RYR3: variants seen among roughly 807,000 people sequenced by gnomAD.
RYR3 encodes the protein brain ryanodine receptor-calcium release channel.
A neutral mutation model predicts 584.3 loss-of-function variants in RYR3; 207 were observed. The ratio of observed to expected loss-of-function variants is 0.35; its 90% CI spans 0.32 to 0.40. The LOEUF is 0.40. RYR3 is among the 10% of genes least tolerant of loss of function. RYR3 has a pLI of 1.00. For missense variants in RYR3, 5,616 were observed against 6,089.2 expected (o/e 0.92, Z 2.59); for synonymous variants, 2,416 against 2,248.5 (o/e 1.07, Z -2.11).
At chr15:33,361,744 A>T (rs1974793859) in intron 1 of RYR3, among the ~76,000 whole-genome samples, 1 of 152,208 alleles carries the variant, frequency 6.6e-6, no homozygotes, top group African/African-American at 2.4e-5. Context: ...TGAGCCAGTG[A>T]TACCCAAAAC....
intron 12 of RYR3, among the ~76,000 whole-genome samples, chr15:33,571,920 G>A (rs1351495754): frequency 1.2e-4 from 18 of 151,928 alleles, no homozygotes; most frequent in Non-Finnish European, 2.2e-4. Flanking sequence ...ATATTCTCTA[G>A]TGTAACATTT....
rs199500216 is a variant in RYR3 at position 33,623,935 on chromosome 15, G to A, written c.2486G>A (p.Arg829His). Residue 829 changes from arginine (R) to histidine (H), a missense_variant, in exon 20 of 104, where the codon CGT becomes CAT. Arg to His is a conservative substitution (Grantham distance 29). Coordinates refer to ENST00000634891, the MANE Select transcript of RYR3 (RefSeq NM_001036.6). The part of the protein sequence containing the change: ...MRLEPVKEYK[R>H]DADGIRDLLG... Reference sequence around the variant, plus strand: ...TTGGAGCCTGTCAAAGAATATAAACGTGATGCTGATGGCATTAGAGATCTC... The same window carrying A: ...TTGGAGCCTGTCAAAGAATATAAACATGATGCTGATGGCATTAGAGATCTC... 1.3e-3 allele frequency: 2,133 copies of A among 1,613,902 alleles called. 2 individuals carry two copies. Among genetic ancestry groups the A allele is most frequent in the Admixed American group, 2.8e-3 (167 of 60,024 alleles).
intron 38 of RYR3, among the ~76,000 whole-genome samples, chr15:33,679,383 T>C (rs888365368): frequency 1.3e-5 from 2 of 152,180 alleles, no homozygotes; most frequent in African/African-American, 4.8e-5. Flanking sequence ...AATTTTGAGA[T>C]TTTATTTCTT....
At chr15:33,514,235 C>A (rs1261142115) in intron 3 of RYR3, among the ~76,000 whole-genome samples, 1 of 152,182 alleles carries the variant, frequency 6.6e-6, no homozygotes, top group Non-Finnish European at 1.5e-5. Flanking sequence ...GAGAAACATG[C>A]ATTGGCACCG....
intron 32 of RYR3, among the ~76,000 whole-genome samples, chr15:33,655,879 C>A (rs1042004468): frequency 2.0e-5 from 3 of 152,118 alleles, no homozygotes; most frequent in Non-Finnish European, 4.4e-5. Flanking sequence ...AACAGTCCAG[C>A]AATATTTATA....
rs764854998 is a variant in RYR3, at chr15:33,739,949, G to A, written c.7774G>A (p.Val2592Met). Residue 2592 changes from valine to methionine, a missense_variant, in exon 51 of 104, where the codon GTG becomes ATG. By Grantham distance (21) the Val-to-Met change is conservative. Around this residue, in one of 9 missense-constraint regions of RYR3, gnomAD observed 1,280 missense variants for 1,426.2 expected, o/e 0.90. Coordinates refer to ENST00000634891, the MANE Select transcript of RYR3 (RefSeq NM_001036.6). ...AGCCACGTTGGAGAAACAGATCTCAGTGGATGCGGATGGCAACTTTGACCC... is the reference window on the plus strand; with the variant it reads ...AGCCACGTTGGAGAAACAGATCTCAATGGATGCGGATGGCAACTTTGACCC... Reference protein sequence around the residue: ...ITATLEKQISVDADGNFDPKP... With the variant: ...ITATLEKQISMDADGNFDPKP... The A allele has an allele frequency of 1.1e-5, 18 of 1,613,820 alleles. No individual in the cohort carries two copies. The Admixed American group carries it at 2.5e-4, about 22-fold the overall frequency.
intron 1 of RYR3, among the ~76,000 whole-genome samples, chr15:33,314,984 A>T (rs1177473469): frequency 2.0e-5 from 3 of 152,182 alleles, no homozygotes; most frequent in African/African-American, 4.8e-5. Flanking sequence ...TCAGAGTGAG[A>T]TAGACATTTG....
intron 19 of RYR3, among the ~76,000 whole-genome samples, chr15:33,619,801 A>G (rs1290046161): frequency 2.0e-5 from 3 of 152,140 alleles, no homozygotes; most frequent in Admixed American, 2.0e-4. Flanking sequence ...GTTGAGACCC[A>G]GGGAGAGATG....
intron 18 of RYR3, among the ~76,000 whole-genome samples, chr15:33,607,814 A>C (rs2059981292): frequency 6.6e-6 from 1 of 152,164 alleles, no homozygotes; most frequent in Non-Finnish European, 1.5e-5. Context: ...GAGTTGAAAA[A>C]AACACAAACA....
At position 33,860,575 on chromosome 15, in the gene RYR3, CTTTGTA is replaced by C. The variant is rs1567354378; in HGVS notation, c.14300-16_14300-11del. The C allele has an allele frequency of 2.0e-6, 3 of 1,520,844 alleles. No homozygotes were observed. 94.2% of individuals were successfully genotyped at this position (1,520,844 alleles called of 1,614,324 possible). On this transcript the variant is annotated splice_polypyrimidine_tract_variant and intron_variant, in intron 100 of 103. Transcript: ENST00000634891. Reference sequence around the variant, plus strand: ...TGAACCACTACACAGATTGCTTTGTCTTTGTATTTAACATTCCAGGTCTTATTATTG... The same window carrying C: ...TGAACCACTACACAGATTGCTTTGTCTTTAACATTCCAGGTCTTATTATTG...
At chr15:33,326,803 A>C (rs897427280) in intron 1 of RYR3, among the ~76,000 whole-genome samples, 1 of 152,186 alleles carries the variant, frequency 6.6e-6, no homozygotes, top group Non-Finnish European at 1.5e-5. Context: ...TAGCTAACAT[A>C]AGTGCAATTA....
chr15:33,617,299 C>G (rs1456005652), intron 19 of RYR3, among the ~76,000 whole-genome samples: 1 of 151,956 alleles, frequency 6.6e-6, no homozygotes, highest in Non-Finnish European at 1.5e-5. Flanking sequence ...GTAGTCCCAG[C>G]TACTTGGGAG....
intron 38 of RYR3, among the ~76,000 whole-genome samples, chr15:33,681,637 G>T (rs1290763986): frequency 6.6e-6 from 1 of 152,172 alleles, no homozygotes; most frequent in Admixed American, 6.5e-5. Flanking sequence ...TTTACAGCAT[G>T]CCACAAGCTG....
intron 1 of RYR3, among the ~76,000 whole-genome samples, chr15:33,345,759 A>G (rs909682027): frequency 1.3e-5 from 2 of 152,230 alleles, no homozygotes; most frequent in Non-Finnish European, 2.9e-5. Flanking sequence ...ATAGTTTTTA[A>G]TATGGAAAAT....
chr15:33,539,262 G>A, intron 5 of RYR3, 88 bp from the exon 6 acceptor site: 1 of 781,528 alleles, frequency 1.3e-6, no homozygotes, highest in Non-Finnish European at 2.2e-6. Context: ...CACGTGAAGG[G>A]TTGTCCTAAG....
At chr15:33,549,337 T>A (rs2056496516) in intron 9 of RYR3, among the ~76,000 whole-genome samples, 1 of 152,220 alleles carries the variant, frequency 6.6e-6, no homozygotes, top group Non-Finnish European at 1.5e-5. Flanking sequence ...TTCAAGCCTT[T>A]TATCAATGCG....
intron 8 of RYR3, among the ~76,000 whole-genome samples, chr15:33,545,788 G>A (rs1382497757): frequency 6.6e-6 from 1 of 152,162 alleles, no homozygotes; most frequent in South Asian, 2.1e-4. Context: ...AAAGACTCCA[G>A]CAGCCACTAA....
intron 1 of RYR3, among the ~76,000 whole-genome samples, chr15:33,427,429 T>TA (rs1435492959): frequency 6.6e-6 from 1 of 152,180 alleles, no homozygotes; most frequent in East Asian, 1.9e-4. Context: ...ACCTCATCTC[T>TA]AAAAAACAAA....
chr15:33,790,093 G>A (rs772736971), intron 67 of RYR3, among the ~76,000 whole-genome samples: 12 of 143,684 alleles, frequency 8.4e-5, no homozygotes, highest in Admixed American at 2.9e-4. Context: ...CCAGGTTCAC[G>A]CCATTCTCCT....
Sources: gnomAD v4.1 joint callset for allele counts (sites outside exome capture counted in the v4.1 genomes callset) on GRCh38, gnomAD v4.1.1 for gene constraint, gnomAD v4.1.1 regional missense constraint, MANE v1.5 for transcripts, NCBI Gene and HGNC (gene_info 2026-07-23, HGNC 2026-07-21) for gene names.